FCRL5: variants seen among roughly 807,000 people sequenced by gnomAD.
The protein encoded by FCRL5 is Fc receptor-like protein 5.
Under a neutral mutation model 92.1 loss-of-function variants are expected in FCRL5, and 79 were observed. The ratio of observed to expected loss-of-function variants is 0.86; its 90% CI spans 0.72 to 1.03. The LOEUF is 1.03. Among genes scored for constraint, FCRL5 ranks in the 50% least tolerant of loss-of-function variants. The pLI is 0.00. For synonymous variants in FCRL5, 466 were observed against 469.3 expected (o/e 0.99, Z 0.09); for missense variants, 1,160 against 1,181.1 (o/e 0.98, Z 0.26).
chr1:157,519,604 A>T (rs770180898), intron 13 of FCRL5, 139 bp downstream of exon 13: 2 of 852,464 alleles, frequency 2.3e-6, no homozygotes, highest in Non-Finnish European at 3.9e-6. Flanking sequence ...ATCCCCAGGG[A>T]CGTACAACAG....
At position 157,515,390 on chromosome 1, in the gene FCRL5, C is replaced by T. The variant is rs1356659491; in HGVS notation, c.*285G>A. The T allele has an allele frequency of 2.0e-6, 1 of 498,216 alleles. No individual in the cohort carries two copies. Among genetic ancestry groups the T allele is most frequent in the Non-Finnish European group, 3.6e-6 (1 of 276,670 alleles). 30.9% of individuals were successfully genotyped at this position (498,216 alleles called of 1,614,324 possible). A position where few individuals can be genotyped will look rare whatever the true frequency, so the allele number is the denominator to read the frequency against. On this transcript the variant is annotated 3_prime_UTR_variant, in exon 17 of 17. Coordinates refer to ENST00000361835, the MANE Select transcript of FCRL5 (RefSeq NM_031281.3). ...ATGAGAGCAGTACTCAGAACAGCAA[C>T]CACAGCTGAAGCCCACTAAGGAATC...
intron 7 of FCRL5, among the ~76,000 whole-genome samples, chr1:157,537,554 G>A (rs1651027219): frequency 2.0e-5 from 3 of 152,092 alleles, no homozygotes. Flanking sequence ...GCCTCCATTT[G>A]CCTTGTGATA....
Position 157,527,626 on chromosome 1 carries a change from T to C in FCRL5, c.1951A>G (p.Ser651Gly), listed in dbSNP as rs1650490572. 1 of 1,605,552 alleles carries C rather than the reference T, an allele frequency of 6.2e-7. No homozygotes were observed. Among genetic ancestry groups the C allele is most frequent in the East Asian group, 2.2e-5 (1 of 44,826 alleles). ...VAQHSDTISL[S>G]VIVPVSRPIL... Reference sequence around the variant, plus strand: ...GGTTAGGTCAACTTACCTATAACACTGAGTGATATTGTGTCACTGTGCTGG... The same window carrying C: ...GGTTAGGTCAACTTACCTATAACACCGAGTGATATTGTGTCACTGTGCTGG... The change falls in exon 9 of 17, where the codon AGT (serine) becomes GGT (glycine). Residue 651 changes from serine (S) to glycine (G), a missense_variant. Coordinates refer to ENST00000361835, the MANE Select transcript of FCRL5 (RefSeq NM_031281.3).
rs1342893695 is a variant in FCRL5 at position 157,542,815 on chromosome 1, A to G, written c.1123+44T>C. ...CTTCCGAAGGGCAGGGTGAGGCAGGACTCTTGGCCAGGGGTGGGTGATTGG... is the reference window on the plus strand; with the variant it reads ...CTTCCGAAGGGCAGGGTGAGGCAGGGCTCTTGGCCAGGGGTGGGTGATTGG... On this transcript the variant is annotated intron_variant, in intron 6 of 16. Coordinates refer to ENST00000361835, the MANE Select transcript of FCRL5 (RefSeq NM_031281.3). 4.4e-6 allele frequency: 7 copies of G among 1,585,332 alleles called. No individual in the cohort carries two copies. In the African/African-American group the frequency reaches 8.1e-5, roughly 18 times the overall value.
rs964143961 is a variant in FCRL5, at chr1:157,547,170, A to G, written c.80T>C (p.Leu27Pro). ...GAAGACTGTGGTCCATGGAGGCTGG[A>G]GGAAAATAATGGGCCTGGGTGTCCT... ...FARTPRPIIFLQPPWTTVFQG... is the reference protein window; with the variant it reads ...FARTPRPIIFPQPPWTTVFQG... Residue 27 changes from leucine to proline, a missense_variant, in exon 3 of 17, where the codon CTC becomes CCC. Coordinates refer to ENST00000361835, the MANE Select transcript of FCRL5 (RefSeq NM_031281.3). 7.6e-5 allele frequency: 123 copies of G among 1,613,822 alleles called. No individual in the cohort carries two copies. The highest frequency in any genetic ancestry group is 9.9e-5 in the Non-Finnish European group (117 of 1,180,024).
At position 157,520,978 on chromosome 1, in the gene FCRL5, A is replaced by T. The variant is rs572988825; in HGVS notation, c.2515+39T>A. 2.2e-4 allele frequency: 339 copies of T among 1,566,338 alleles called. 1 individual carries two copies. The highest frequency in any genetic ancestry group is 7.4e-4 in the South Asian group (61 of 81,984). On this transcript the variant is annotated intron_variant, in intron 11 of 16. Coordinates refer to ENST00000361835, the MANE Select transcript of FCRL5 (RefSeq NM_031281.3). Reference sequence around the variant, plus strand: ...TTATCAGAGGGTCCGCGGAGGAAACATTTTGTCCGCATCTGTGGCCCGGGC... The same window carrying T: ...TTATCAGAGGGTCCGCGGAGGAAACTTTTTGTCCGCATCTGTGGCCCGGGC...
chr1:157,516,017 AC>A, intron 15 of FCRL5, 144 bp from the exon 16 acceptor site: 1 of 851,368 alleles, frequency 1.2e-6, no homozygotes, highest in Non-Finnish European at 1.9e-6. Flanking sequence ...GTTGGTGCTC[AC>A]CCAGTCCCTC....
At chr1:157,544,016 G>A (rs12068045) in intron 5 of FCRL5, among the ~76,000 whole-genome samples, 1 of 152,146 alleles carries the variant, frequency 6.6e-6, no homozygotes, top group East Asian at 1.9e-4. Flanking sequence ...AACCCTGCGA[G>A]AGAAAAGAAA....
At position 157,519,777 on chromosome 1, in the gene FCRL5, A is replaced by G. The variant is rs769291867; in HGVS notation, c.2633-7T>C. The stretch of plus-strand genomic sequence containing the variant: ...TCAGAGGCAGGCTTTCTCCCTGTAA[A>G]GGAAAGCAGAGGAGCATTGGATTCA... On this transcript the variant is annotated splice_polypyrimidine_tract_variant and splice_region_variant and intron_variant, in intron 12 of 16. Coordinates refer to ENST00000361835, the MANE Select transcript of FCRL5 (RefSeq NM_031281.3). The G allele has an allele frequency of 6.2e-7, 1 of 1,613,946 alleles. No homozygotes were observed. The highest frequency in any genetic ancestry group is 8.5e-7 in the Non-Finnish European group (1 of 1,179,932).
intron 1 of FCRL5, among the ~76,000 whole-genome samples, chr1:157,550,054 A>G (rs1016462328): frequency 6.6e-6 from 1 of 152,052 alleles, no homozygotes; most frequent in Non-Finnish European, 1.5e-5. Context: ...GAGTGAGAAC[A>G]TGAGTCTGCA....
chr1:157,517,669 C>T (rs538358504), intron 15 of FCRL5, among the ~76,000 whole-genome samples: 6 of 152,218 alleles, frequency 3.9e-5, no homozygotes, highest in Admixed American at 6.5e-5. Context: ...CCAGTGAGAC[C>T]GGCGTCAGAC....
intron 10 of FCRL5, among the ~76,000 whole-genome samples, chr1:157,523,345 A>G (rs1650283537): frequency 6.6e-6 from 1 of 152,198 alleles, no homozygotes. Flanking sequence ...CATAATCCAT[A>G]TTCCCTGTCT....
chr1:157,524,022 G>A (rs1650313719), intron 10 of FCRL5: 1 of 492,592 alleles, frequency 2.0e-6, no homozygotes, highest in African/African-American at 1.9e-5. Context: ...TATAGTTTAT[G>A]TTCTAAAAAA....
chr1:157,534,200 T>C, intron 8 of FCRL5: 1 of 491,342 alleles, frequency 2.0e-6, no homozygotes, highest in South Asian at 1.9e-5. Context: ...AGCAGCTTTC[T>C]CCAAATCTAC....
In FCRL5 at chr1:157,534,769, T is replaced by C; in HGVS notation, c.1526A>G (p.His509Arg). The change falls in exon 8 of 17, where the codon CAT becomes CGT. Residue 509 changes from histidine to arginine, a missense_variant. Coordinates refer to ENST00000361835, the MANE Select transcript of FCRL5 (RefSeq NM_031281.3). ...GSPQILYQFYHEDMPLWSSST... is the reference protein window; with the variant it reads ...GSPQILYQFYREDMPLWSSST... ...GCTGCTCCACAGGGGCATGTCCTCATGATAAAACTGGTATAGGATTTGTGG... is the reference window on the plus strand; with the variant it reads ...GCTGCTCCACAGGGGCATGTCCTCACGATAAAACTGGTATAGGATTTGTGG... The C allele has an allele frequency of 6.2e-7, 1 of 1,614,110 alleles. No homozygotes were observed. The highest frequency in any genetic ancestry group is 8.5e-7 in the Non-Finnish European group (1 of 1,180,010).
In FCRL5 at chr1:157,539,219, A is replaced by G; in HGVS notation, c.1269T>C (p.Arg423=). The change falls in exon 7 of 17, where the codon CGT becomes CGC. Residue 423 remains arginine, a synonymous_variant. Coordinates refer to ENST00000361835, the MANE Select transcript of FCRL5 (RefSeq NM_031281.3). ...CTCCTCCTGCAGAGTTGGCCGACCT[A>G]CGCTCCAGGGCAGCACCCTCATGAT... The part of the protein sequence containing the change: ...QFHHEGAALE[R]RSANSAGGVA... The G allele has an allele frequency of 6.2e-7, 1 of 1,614,204 alleles. No homozygotes were observed. The highest frequency in any genetic ancestry group is 8.5e-7 in the Non-Finnish European group (1 of 1,180,036).
chr1:157,520,379 C>A (rs146035176), intron 12 of FCRL5, 52 bp downstream of exon 12: 6 of 1,286,598 alleles, frequency 4.7e-6, no homozygotes, highest in Admixed American at 1.9e-5. Flanking sequence ...CCCAAGGGAG[C>A]GTTGCTGGGA....
chr1:157,542,065 T>A (rs1322181522), intron 6 of FCRL5: 5 of 152,300 alleles, frequency 3.3e-5, no homozygotes, highest in African/African-American at 4.8e-5. Flanking sequence ...CAAGCTGGTA[T>A]TATTGTTTTA....
chr1:157,515,496 A>G lies in FCRL5; in HGVS notation c.*179T>C. 5 of 1,366,732 alleles carry G rather than the reference A, an allele frequency of 3.7e-6. No individual in the cohort carries two copies. Among genetic ancestry groups the G allele is most frequent in the Non-Finnish European group, 5.0e-6 (5 of 998,688 alleles). The allele number at this position is 1,366,732 out of a possible 1,614,324, so 84.7% of individuals were successfully genotyped here. A position where few individuals can be genotyped will look rare whatever the true frequency, so the allele number is the denominator to read the frequency against. ...TGCCAGTCAGGGCTTTAACTGGGAAACAGGTGACAGTCCAGCAGGGCCCTG... is the reference window on the plus strand; with the variant it reads ...TGCCAGTCAGGGCTTTAACTGGGAAGCAGGTGACAGTCCAGCAGGGCCCTG... On this transcript the variant is annotated 3_prime_UTR_variant, in exon 17 of 17. Coordinates refer to ENST00000361835, the MANE Select transcript of FCRL5 (RefSeq NM_031281.3).
Sources: allele counts gnomAD v4.1 joint callset (sites outside exome capture counted in the v4.1 genomes callset), GRCh38; gene constraint gnomAD v4.1.1; transcripts MANE v1.5; gene names NCBI Gene and HGNC (gene_info 2026-07-23, HGNC 2026-07-21).